RYR2: variants seen among roughly 807,000 people sequenced by gnomAD.
RYR2 encodes cardiac muscle ryanodine receptor-calcium release channel.
A neutral mutation model predicts 601.1 loss-of-function variants in RYR2; 227 were observed. The observed-to-expected ratio is 0.38, with a 90% CI of 0.34 to 0.42. RYR2 has a LOEUF of 0.42. RYR2 is among the 10% of genes least tolerant of loss of function. The probability of loss-of-function intolerance (pLI) is 1.00; values close to 1 mark genes in which losing one functional copy is unlikely to be tolerated. For synonymous variants in RYR2, 2,223 were observed against 2,175.1 expected, an observed-to-expected ratio of 1.02 and a Z score of -0.61; for missense variants, 4,646 against 6,156.5, an observed-to-expected ratio of 0.75 and a Z score of 8.21.
At chr1:237,542,892 G>A (rs1467955318) in intron 25 of RYR2, among the ~76,000 whole-genome samples, 1 of 152,132 alleles carries the variant, frequency 6.6e-6, no homozygotes, top group African/African-American at 2.4e-5. Flanking sequence ...CTTTGGCTCT[G>A]CGATCTATCT....
At chr1:237,661,095 A>AT (rs948129205) in intron 56 of RYR2, 148 bp downstream of exon 56, 35 of 771,422 alleles carry the variant, frequency 4.5e-5, no homozygotes, top group African/African-American at 9.1e-5. Context: ...CTATATATAT[A>AT]TTTTTTTTAG....
At chr1:237,776,825 G>A (rs528481447) in intron 87 of RYR2, among the ~76,000 whole-genome samples, 4 of 152,170 alleles carry the variant, frequency 2.6e-5, no homozygotes, top group African/African-American at 2.4e-5. Flanking sequence ...TCTAACGTGC[G>A]AGCCTGGCCC....
intron 8 of RYR2, among the ~76,000 whole-genome samples, chr1:237,381,335 A>G (rs1701504211): frequency 6.6e-6 from 1 of 152,008 alleles, no homozygotes; most frequent in African/African-American, 2.4e-5. Flanking sequence ...GGAAAGAAAC[A>G]GTGAAAGGAA....
chr1:237,293,318 T>A (rs911718676), intron 2 of RYR2, among the ~76,000 whole-genome samples: 5 of 152,178 alleles, frequency 3.3e-5, no homozygotes, highest in Non-Finnish European at 5.9e-5. Context: ...GCGATTCTCA[T>A]GTCTCAGCCT....
At chr1:237,665,480 C>T (rs943590613) in intron 56 of RYR2, among the ~76,000 whole-genome samples, 1 of 151,842 alleles carries the variant, frequency 6.6e-6, no homozygotes, top group Non-Finnish European at 1.5e-5. Context: ...CAGTGGCAGT[C>T]CCTGAAACCA....
chr1:237,736,810 C>T (rs1303218967), intron 79 of RYR2, among the ~76,000 whole-genome samples: 2 of 152,200 alleles, frequency 1.3e-5, no homozygotes, highest in East Asian at 1.9e-4. Flanking sequence ...CAGTAATGCT[C>T]CCCCTGGCTG....
intron 1 of RYR2, among the ~76,000 whole-genome samples, chr1:237,064,246 C>T (rs1168862920): frequency 6.6e-6 from 1 of 152,108 alleles, no homozygotes; most frequent in African/African-American, 2.4e-5. Context: ...TCATAAATCT[C>T]TTTTTGCTTT....
intron 60 of RYR2, among the ~76,000 whole-genome samples, chr1:237,675,736 G>A (rs1267763075): frequency 6.6e-6 from 1 of 152,030 alleles, no homozygotes; most frequent in Admixed American, 6.6e-5. Context: ...CATAGCATCA[G>A]ATTAAAGTTT....
At chr1:237,416,197 T>C (rs1247010634) in intron 10 of RYR2, among the ~76,000 whole-genome samples, 1 of 152,138 alleles carries the variant, frequency 6.6e-6, no homozygotes, top group Admixed American at 6.5e-5. Flanking sequence ...GAAGCAAGAT[T>C]GGAGCCCACT....
chr1:237,202,049 GC>G (rs924307738), intron 1 of RYR2, among the ~76,000 whole-genome samples: 5 of 152,304 alleles, frequency 3.3e-5, no homozygotes, highest in Admixed American at 3.3e-4. Context: ...GAGAAATAGG[GC>G]TGGGGTAGAC....
At chr1:237,058,555 A>G (rs930045599) in intron 1 of RYR2, among the ~76,000 whole-genome samples, 4 of 152,232 alleles carry the variant, frequency 2.6e-5, no homozygotes, top group African/African-American at 9.6e-5. Context: ...TCTGCACTTA[A>G]CAACAGAGCA....
intron 1 of RYR2, among the ~76,000 whole-genome samples, chr1:237,268,685 C>T (rs1689316101): frequency 6.6e-6 from 1 of 151,786 alleles, no homozygotes; most frequent in South Asian, 2.1e-4. Context: ...CACCTGTAAT[C>T]CCAGCACTTT....
chr1:237,118,938 T>A (rs530601362), intron 1 of RYR2, among the ~76,000 whole-genome samples: 1 of 152,090 alleles, frequency 6.6e-6, no homozygotes, highest in East Asian at 1.9e-4. Flanking sequence ...AAACCCCTTG[T>A]GCAAAAAAAA....
At chr1:237,578,798 T>C (rs547730600) in intron 29 of RYR2, among the ~76,000 whole-genome samples, 7 of 151,606 alleles carry the variant, frequency 4.6e-5, no homozygotes, top group Non-Finnish European at 8.8e-5. Context: ...AGTGGGGGCA[T>C]GTACGCTCCC....
chr1:237,118,609 T>C (rs886334674), intron 1 of RYR2, among the ~76,000 whole-genome samples: 7 of 151,954 alleles, frequency 4.6e-5, no homozygotes, highest in Non-Finnish European at 1.0e-4. Context: ...TGTTTGTTTG[T>C]TTGTTCTTTT....
chr1:237,149,892 G>C (rs1176956277), intron 1 of RYR2, among the ~76,000 whole-genome samples: 2 of 152,170 alleles, frequency 1.3e-5, no homozygotes, highest in Non-Finnish European at 2.9e-5. Flanking sequence ...CCGTTGCCAT[G>C]ATTAGTTACA....
chr1:237,431,521 G>A (rs1706804238), intron 12 of RYR2, among the ~76,000 whole-genome samples: 1 of 151,918 alleles, frequency 6.6e-6, no homozygotes, highest in South Asian at 2.1e-4. Context: ...AATAGAATTT[G>A]GCAATAATTC....
At chr1:237,540,903 G>A (rs1669187435) in intron 25 of RYR2, among the ~76,000 whole-genome samples, 1 of 126,116 alleles carries the variant, frequency 7.9e-6, no homozygotes, top group South Asian at 2.4e-4. Context: ...GTTGATGCAT[G>A]TGTGTGTGTA....
intron 24 of RYR2, among the ~76,000 whole-genome samples, chr1:237,516,063 C>G (rs1233848791): frequency 6.6e-6 from 1 of 151,438 alleles, no homozygotes; most frequent in Non-Finnish European, 1.5e-5. Flanking sequence ...TCCTCCTCTT[C>G]TTTTTTCTCT....
Sources: gnomAD v4.1 joint callset for allele counts (sites outside exome capture counted in the v4.1 genomes callset) on GRCh38, gnomAD v4.1.1 for gene constraint, MANE v1.5 for transcripts, NCBI Gene and HGNC (gene_info 2026-07-23, HGNC 2026-07-21) for gene names.